Variants in FABP12 observed in about 807,000 individuals in gnomAD.
FABP12 encodes the protein fatty acid binding protein 12.
FABP12 carries 19 observed loss-of-function variants against 13.7 expected under a neutral mutation model. That is an observed-to-expected ratio of 1.39 (90% confidence interval 0.97 to 2.04). The LOEUF is 2.04. Ranked by LOEUF, FABP12 falls within the 30% of genes most tolerant of loss-of-function variation. The pLI, the probability that FABP12 is intolerant of heterozygous loss-of-function variation, is 0.00. For synonymous variants in FABP12, 61 were observed against 57.0 expected (o/e 1.07, Z -0.32); for missense variants, 182 against 164.2 (o/e 1.11, Z -0.59).
chr8:81,537,897 T>G (rs1223972778), upstream of FABP12, among the ~76,000 whole-genome samples: 1 of 152,070 alleles, frequency 6.6e-6, no homozygotes, highest in African/African-American at 2.4e-5. Context: ...TGTTGGGAAT[T>G]GTGTTTGACC....
At chr8:81,538,689 C>CTCT (rs2129979802), upstream of FABP12, among the ~76,000 whole-genome samples, 1 of 152,276 alleles carries the variant, frequency 6.6e-6, no homozygotes, top group East Asian at 1.9e-4. Flanking sequence ...TAGTTTCTAT[C>CTCT]TCTGGCCTCC....
At chr8:81,547,422 G>T (rs1809452468) in intron 1 of FABP12, among the ~76,000 whole-genome samples, 1 of 152,188 alleles carries the variant, frequency 6.6e-6, no homozygotes, top group Admixed American at 6.5e-5. Flanking sequence ...GGGACCAAAT[G>T]AGTTCATTTG....
intron 1 of FABP12, among the ~76,000 whole-genome samples, chr8:81,556,900 T>G (rs1449052823): frequency 7.8e-6 from 1 of 127,772 alleles, no homozygotes; most frequent in Non-Finnish European, 1.6e-5. Flanking sequence ...TTTTTTTTTT[T>G]GCGAGACAGA....
chr8:81,532,024 A>T (rs1178326398), intron 1 of FABP12, among the ~76,000 whole-genome samples: 1 of 152,096 alleles, frequency 6.6e-6, no homozygotes, highest in Non-Finnish European at 1.5e-5. Context: ...CGGTTTAGAG[A>T]GCCATCATTG....
At chr8:81,549,650 A>G (rs1247399355) in intron 1 of FABP12, among the ~76,000 whole-genome samples, 2 of 152,224 alleles carry the variant, frequency 1.3e-5, no homozygotes, top group East Asian at 3.9e-4. Flanking sequence ...ATAAAGTGCA[A>G]TAGAAGTGAA....
chr8:81,526,426 C>T (rs1563540649), intron 4 of FABP12: 1 of 152,118 alleles, frequency 6.6e-6, no homozygotes, highest in Non-Finnish European at 1.5e-5. Context: ...CCTCCCAGTA[C>T]CATCACATTT....
chr8:81,534,680 T>A (rs1030447943), upstream of FABP12, among the ~76,000 whole-genome samples: 3 of 152,198 alleles, frequency 2.0e-5, no homozygotes, highest in Non-Finnish European at 4.4e-5. Flanking sequence ...AGGTGGCTCA[T>A]GCCTGTAATC....
At position 81,529,531 on chromosome 8, in the gene FABP12, T is replaced by C; in HGVS notation, c.153A>G (p.Thr51=). 3 of 1,613,992 alleles carry C rather than the reference T, an allele frequency of 1.9e-6. No individual in the cohort carries two copies. In the South Asian group the frequency reaches 3.3e-5, roughly 18 times the overall value. Residue 51 remains threonine (T), a synonymous_variant, in exon 3 of 5, where the codon ACA becomes ACG. Coordinates refer to ENST00000360464, the Ensembl canonical transcript of FABP12. The stretch of plus-strand genomic sequence containing the variant: ...TTTTAAAGATGCTTTTGGTTTTTAT[T>C]GTGATGACATCTCCATCTGTACTGA...
At chr8:81,539,379 T>C (rs533512265) in intron 2 of FABP12, among the ~76,000 whole-genome samples, 46 of 148,172 alleles carry the variant, frequency 3.1e-4, no homozygotes, top group Non-Finnish European at 6.0e-4. Context: ...ATTATATAAA[T>C]TAAATTTTTT....
intron 2 of FABP12, among the ~76,000 whole-genome samples, chr8:81,530,980 G>GT (rs2129948447): frequency 6.6e-6 from 1 of 152,190 alleles, no homozygotes; most frequent in South Asian, 2.1e-4. Context: ...AAAAATAGTT[G>GT]TATTTTTTTG....
chr8:81,577,840 A>G (rs902473421), intron 1 of FABP12, among the ~76,000 whole-genome samples: 2 of 152,228 alleles, frequency 1.3e-5, no homozygotes, highest in African/African-American at 4.8e-5. Context: ...AGAATAGGGA[A>G]CAAGAATAGC....
At chr8:81,530,607 T>C (rs1809043796) in intron 2 of FABP12, among the ~76,000 whole-genome samples, 1 of 152,182 alleles carries the variant, frequency 6.6e-6, no homozygotes, top group Non-Finnish European at 1.5e-5. Flanking sequence ...ATGTGACAGA[T>C]TGGATAATGG....
chr8:81,582,178 A>T (rs1467988003), intron 1 of FABP12, among the ~76,000 whole-genome samples: 1 of 137,684 alleles, frequency 7.3e-6, no homozygotes, highest in Non-Finnish European at 1.5e-5. Context: ...GCTGGAGTAC[A>T]GTGGCATAAT....
At chr8:81,540,004 G>C (rs1248938215) in intron 1 of FABP12, among the ~76,000 whole-genome samples, 2 of 152,212 alleles carry the variant, frequency 1.3e-5, no homozygotes, top group African/African-American at 4.8e-5. Context: ...AGCCGGCATA[G>C]GTCAGAATTG....
At chr8:81,539,080 C>T (rs1809286753) in intron 2 of FABP12, among the ~76,000 whole-genome samples, 1 of 152,132 alleles carries the variant, frequency 6.6e-6, no homozygotes, top group African/African-American at 2.4e-5. Flanking sequence ...AACTTCTGAC[C>T]TCAAGTTATC....
At chr8:81,582,704 A>G (rs1009422279) in intron 1 of FABP12, among the ~76,000 whole-genome samples, 1 of 152,194 alleles carries the variant, frequency 6.6e-6, no homozygotes, top group African/African-American at 2.4e-5. Context: ...CCAGATATAT[A>G]TAACAAATAT....
chr8:81,579,325 G>C (rs1345811748), intron 1 of FABP12, among the ~76,000 whole-genome samples: 1 of 151,950 alleles, frequency 6.6e-6, no homozygotes, highest in African/African-American at 2.4e-5. Flanking sequence ...TAAAACAATT[G>C]CCTGACTAAA....
chr8:81,529,644 G>T (rs1212584777), intron 2 of FABP12, 34 bp from the exon 3 acceptor site: 1 of 1,569,444 alleles, frequency 6.4e-7, no homozygotes, highest in African/African-American at 1.4e-5. Flanking sequence ...TTATCTTTTT[G>T]CATAAAGAAT....
intron 1 of FABP12, among the ~76,000 whole-genome samples, chr8:81,532,652 C>A (rs1809104278): frequency 1.3e-5 from 2 of 152,176 alleles, no homozygotes; most frequent in Non-Finnish European, 2.9e-5. Context: ...GAAACCCTGT[C>A]TCTACTAAAA....
Sources: gnomAD v4.1 joint callset for allele counts (sites outside exome capture counted in the v4.1 genomes callset) on GRCh38, gnomAD v4.1.1 for gene constraint, MANE v1.5 for transcripts, NCBI Gene and HGNC (gene_info 2026-07-23, HGNC 2026-07-21) for gene names.